The following HSD17B12 variants were observed in gnomAD, a reference collection of about 807,000 sequenced individuals.
HSD17B12 encodes the protein hydroxysteroid 17-beta dehydrogenase 12, also known as very-long-chain 3-oxoacyl-CoA reductase.
Under a neutral mutation model 39.3 loss-of-function variants are expected in HSD17B12, and 32 were observed. The observed-to-expected ratio is 0.81, with a 90% confidence interval of 0.61 to 1.09. The LOEUF (loss-of-function observed/expected upper bound fraction) is 1.09. HSD17B12 is among the 50% of genes least tolerant of loss of function. The probability of loss-of-function intolerance (pLI) is 0.00; values close to 1 mark genes in which losing one functional copy is unlikely to be tolerated. For synonymous variants in HSD17B12, 150 were observed against 146.7 expected, an observed-to-expected ratio of 1.02 and a Z score of -0.16; for missense variants, 342 against 382.9, an observed-to-expected ratio of 0.89 and a Z score of 0.89.
chr11:43,625,496 T>C, the HSD17B12 span, among the ~76,000 whole-genome samples: 9 of 151,530 alleles, frequency 5.9e-5, no homozygotes, highest in African/African-American at 2.2e-4. Flanking sequence ...AATTTGGCAA[T>C]TGATTTATTT....
chr11:43,725,835 G>A (rs1333307987), intron 1 of HSD17B12, among the ~76,000 whole-genome samples: 2 of 152,170 alleles, frequency 1.3e-5, no homozygotes, highest in East Asian at 3.8e-4. Flanking sequence ...ATGAGGCTAG[G>A]TGAGAGAAAG....
intron 4 of HSD17B12, among the ~76,000 whole-genome samples, chr11:43,814,855 G>A (rs1432853489): frequency 2.0e-5 from 3 of 151,988 alleles, no homozygotes; most frequent in Admixed American, 6.6e-5. Context: ...TGTATGCTCC[G>A]TGATACCAAC....
chr11:43,819,394 T>C (rs1200530880), intron 6 of HSD17B12, among the ~76,000 whole-genome samples: 2 of 152,174 alleles, frequency 1.3e-5, no homozygotes, highest in Admixed American at 6.5e-5. Context: ...CTGTGCTTCA[T>C]GGTCACAGAC....
the HSD17B12 span, among the ~76,000 whole-genome samples, chr11:43,664,494 G>C: frequency 6.6e-6 from 1 of 152,170 alleles, no homozygotes; most frequent in Non-Finnish European, 1.5e-5. Context: ...CATTTGGTGG[G>C]GGTCTGTGTT....
At chr11:43,745,850 T>C (rs766479044) in intron 1 of HSD17B12, among the ~76,000 whole-genome samples, 3 of 151,832 alleles carry the variant, frequency 2.0e-5, no homozygotes, top group East Asian at 1.9e-4. Context: ...ACCTGGTCTC[T>C]ACAGGAAAAA....
At chr11:43,703,154 T>C (rs1487653574) in intron 1 of HSD17B12, among the ~76,000 whole-genome samples, 1 of 152,224 alleles carries the variant, frequency 6.6e-6, no homozygotes, top group Non-Finnish European at 1.5e-5. Context: ...GAAGGATTGG[T>C]ACTAGGTCAT....
At chr11:43,588,631 T>TTATTATTATTATTATTAC in the HSD17B12 span, among the ~76,000 whole-genome samples, 1 of 149,446 alleles carries the variant, frequency 6.7e-6, no homozygotes, top group Non-Finnish European at 1.5e-5. Context: ...ATTATTATTA[T>TTATTATTATTATTATTAC]TATTATAGTG....
intron 1 of HSD17B12, among the ~76,000 whole-genome samples, chr11:43,701,887 G>A (rs1949968292): frequency 6.6e-6 from 1 of 152,092 alleles, no homozygotes; most frequent in Non-Finnish European, 1.5e-5. Flanking sequence ...TATTTTGATA[G>A]GGATTACATT....
chr11:43,800,860 C>T (rs541976137), intron 4 of HSD17B12, among the ~76,000 whole-genome samples: 4 of 152,032 alleles, frequency 2.6e-5, no homozygotes, highest in East Asian at 1.9e-4. Flanking sequence ...TGTACTGGGC[C>T]GGGCGTGGTG....
At chr11:43,616,411 AAAAAAACAAAAAAC>A in the HSD17B12 span, among the ~76,000 whole-genome samples, 3,717 of 138,904 alleles carry the variant, frequency 0.027, 420 homozygotes, top group African/African-American at 0.09. Flanking sequence ...TCCATCTAAA[AAAAAAACAAAAAAC>A]AAAAAAAAAA....
upstream of HSD17B12, among the ~76,000 whole-genome samples, chr11:43,677,691 G>T (rs1341263401): frequency 1.2e-4 from 2 of 17,276 alleles, no homozygotes; most frequent in Non-Finnish European, 9.3e-3. Context: ...AGAACATGTG[G>T]TGTTGGGTTT....
chr11:43,589,173 T>C, the HSD17B12 span, among the ~76,000 whole-genome samples: 1 of 152,192 alleles, frequency 6.6e-6, no homozygotes, highest in Non-Finnish European at 1.5e-5. Context: ...GTTTTCTTTT[T>C]CCTTTTCCCG....
At chr11:43,756,260 T>A (rs1950507194) in intron 3 of HSD17B12, among the ~76,000 whole-genome samples, 1 of 152,058 alleles carries the variant, frequency 6.6e-6, no homozygotes, top group Admixed American at 6.6e-5. Context: ...AGAGTACAGA[T>A]CTTTACAAAG....
At chr11:43,598,659 C>T in the HSD17B12 span, among the ~76,000 whole-genome samples, 14 of 152,268 alleles carry the variant, frequency 9.2e-5, no homozygotes, top group South Asian at 1.7e-3. Context: ...CCCTCTTCCT[C>T]TCTTAATCCT....
the HSD17B12 span, among the ~76,000 whole-genome samples, chr11:43,621,095 C>T: frequency 6.6e-6 from 1 of 152,130 alleles, no homozygotes; most frequent in Admixed American, 6.6e-5. Flanking sequence ...AACAAGAACC[C>T]CTTAGTCATC....
intron 2 of HSD17B12, among the ~76,000 whole-genome samples, 192 bp from the exon 3 acceptor site, chr11:43,753,854 G>A (rs1430081961): frequency 6.6e-6 from 1 of 152,050 alleles, no homozygotes; most frequent in Non-Finnish European, 1.5e-5. Context: ...TTAAATACTA[G>A]CTTGGCTTAG....
At chr11:43,815,584 C>A in intron 5 of HSD17B12, 83 bp downstream of exon 5, 1 of 800,450 alleles carries the variant, frequency 1.2e-6, no homozygotes, top group Non-Finnish European at 2.0e-6. Context: ...ACACTGGAGT[C>A]CAGCTGCCTG....
chr11:43,711,032 A>T (rs566178698), intron 1 of HSD17B12, among the ~76,000 whole-genome samples: 5 of 152,172 alleles, frequency 3.3e-5, no homozygotes, highest in African/African-American at 4.8e-5. Flanking sequence ...ACCTCAAGTG[A>T]TCCACCCACC....
At chr11:43,627,893 T>C in the HSD17B12 span, among the ~76,000 whole-genome samples, 1 of 152,026 alleles carries the variant, frequency 6.6e-6, no homozygotes, top group Non-Finnish European at 1.5e-5. Flanking sequence ...ATAAGGAATA[T>C]AAAATTATGG....
Sources: gnomAD v4.1 joint callset for allele counts (sites outside exome capture counted in the v4.1 genomes callset) on GRCh38, gnomAD v4.1.1 for gene constraint, MANE v1.5 for transcripts, NCBI Gene and HGNC (gene_info 2026-07-23, HGNC 2026-07-21) for gene names.